The following PPFIA2 variants were observed in gnomAD, a reference collection of about 807,000 sequenced individuals.
PPFIA2 encodes the protein PPFI scaffold protein A2, also known as liprin-alpha-2.
A neutral mutation model predicts 175.5 loss-of-function variants in PPFIA2; 46 were observed. That is an observed-to-expected ratio of 0.26 (90% CI 0.21 to 0.34). The LOEUF is 0.34. Among genes scored for constraint, PPFIA2 ranks in the 10% least tolerant of loss-of-function variants. The pLI, the probability that PPFIA2 is intolerant of heterozygous loss-of-function variation, is 1.00. For synonymous variants in PPFIA2, 568 were observed against 511.4 expected (o/e 1.11, Z -1.49); for missense variants, 1,179 against 1,506.1 (o/e 0.78, Z 3.60).
intron 10 of PPFIA2, 32 bp from the exon 11 acceptor site, chr12:81,374,800 A>G (rs760610560): frequency 6.3e-7 from 1 of 1,592,040 alleles, no homozygotes; most frequent in Non-Finnish European, 8.6e-7. Context: ...AGACACTTAA[A>G]GAGTCAGAGT....
intron 4 of PPFIA2, among the ~76,000 whole-genome samples, chr12:81,560,630 A>G (rs1250366004): frequency 3.3e-5 from 5 of 152,166 alleles, no homozygotes; most frequent in African/African-American, 1.2e-4. Flanking sequence ...TGGTCTAAAT[A>G]TTTTAACTGA....
intron 7 of PPFIA2, among the ~76,000 whole-genome samples, chr12:81,423,306 A>G (rs987908336): frequency 1.3e-5 from 2 of 152,138 alleles, no homozygotes; most frequent in Admixed American, 1.3e-4. Flanking sequence ...AGAGAATAAA[A>G]TTACAGGCCA....
intron 4 of PPFIA2, among the ~76,000 whole-genome samples, chr12:81,656,399 G>A (rs1273047190): frequency 6.6e-6 from 1 of 151,998 alleles, no homozygotes; most frequent in Non-Finnish European, 1.5e-5. Flanking sequence ...TTTAAATTAG[G>A]TGAAATCTAG....
At chr12:81,482,933 C>T (rs1024126681) in intron 4 of PPFIA2, among the ~76,000 whole-genome samples, 3 of 151,930 alleles carry the variant, frequency 2.0e-5, no homozygotes, top group African/African-American at 4.8e-5. Flanking sequence ...TGTTCCAGTG[C>T]TAAAATTCTG....
intron 4 of PPFIA2, among the ~76,000 whole-genome samples, chr12:81,608,143 C>T (rs1013392112): frequency 6.6e-6 from 1 of 152,084 alleles, no homozygotes; most frequent in African/African-American, 2.4e-5. Context: ...AGGAATCAAG[C>T]CCACTTGATT....
At chr12:81,725,748 T>C (rs2079989105) in intron 3 of PPFIA2, among the ~76,000 whole-genome samples, 1 of 150,708 alleles carries the variant, frequency 6.6e-6, no homozygotes, top group Non-Finnish European at 1.5e-5. Context: ...GACAACCCTT[T>C]GAATAATCTA....
chr12:81,274,674 A>T (rs978338684), intron 28 of PPFIA2, among the ~76,000 whole-genome samples: 2 of 152,206 alleles, frequency 1.3e-5, no homozygotes, highest in African/African-American at 4.8e-5. Context: ...AAATGTTAGT[A>T]GGTTCTTGAT....
chr12:81,672,725 T>C (rs987449769), intron 4 of PPFIA2, among the ~76,000 whole-genome samples: 1 of 152,030 alleles, frequency 6.6e-6, no homozygotes, highest in African/African-American at 2.4e-5. Context: ...AGAAACTGAA[T>C]ACCTTCAGTG....
intron 18 of PPFIA2, among the ~76,000 whole-genome samples, chr12:81,344,925 G>A (rs1413665697): frequency 1.1e-5 from 1 of 88,588 alleles, no homozygotes; most frequent in African/African-American, 3.0e-5. Context: ...CCATAATGGG[G>A]CCATGTGTAC....
chr12:81,691,955 A>T (rs182415710), intron 3 of PPFIA2, among the ~76,000 whole-genome samples: 2 of 152,188 alleles, frequency 1.3e-5, no homozygotes, highest in Admixed American at 1.3e-4. Flanking sequence ...CCCTTGTGTA[A>T]TCCCCCTCTC....
chr12:81,387,612 A>G (rs1022317291), intron 8 of PPFIA2, among the ~76,000 whole-genome samples: 27 of 152,186 alleles, frequency 1.8e-4, no homozygotes, highest in African/African-American at 6.3e-4. Flanking sequence ...GAATTTCTCA[A>G]TGTGAGAAGG....
At chr12:81,710,339 ATCTAATAC>A (rs2077730165) in intron 3 of PPFIA2, among the ~76,000 whole-genome samples, 1 of 151,886 alleles carries the variant, frequency 6.6e-6, no homozygotes, top group Non-Finnish European at 1.5e-5. Flanking sequence ...CACAATGTAC[ATCTAATAC>A]TTATCACACA....
At chr12:81,664,958 G>A (rs1023660553) in intron 4 of PPFIA2, among the ~76,000 whole-genome samples, 2 of 151,152 alleles carry the variant, frequency 1.3e-5, no homozygotes, top group Non-Finnish European at 2.9e-5. Flanking sequence ...AACACCACAT[G>A]TTCTCACTCA....
At chr12:81,361,627 A>G (rs1260025031) in intron 15 of PPFIA2, among the ~76,000 whole-genome samples, 1 of 151,652 alleles carries the variant, frequency 6.6e-6, no homozygotes, top group African/African-American at 2.4e-5. Flanking sequence ...TTTTTATTTG[A>G]GAATCTGAAA....
intron 7 of PPFIA2, among the ~76,000 whole-genome samples, chr12:81,423,659 G>A (rs1279977042): frequency 6.6e-6 from 1 of 152,116 alleles, no homozygotes; most frequent in East Asian, 1.9e-4. Context: ...GAGAAAAACT[G>A]AAAGCTTTCC....
intron 22 of PPFIA2, among the ~76,000 whole-genome samples, chr12:81,307,640 ATCTC>A (rs2049614903): frequency 6.7e-6 from 1 of 149,400 alleles, no homozygotes; most frequent in Non-Finnish European, 1.5e-5. Context: ...GAATCTCTCT[ATCTC>A]TCATTTGGTA....
intron 7 of PPFIA2, among the ~76,000 whole-genome samples, chr12:81,439,252 G>C (rs1399932855): frequency 6.7e-6 from 1 of 148,978 alleles, no homozygotes; most frequent in Non-Finnish European, 1.5e-5. Context: ...GTCTATAGGA[G>C]ACTATAATAA....
intron 4 of PPFIA2, among the ~76,000 whole-genome samples, chr12:81,617,478 T>C (rs1340206671): frequency 6.6e-6 from 1 of 152,190 alleles, no homozygotes; most frequent in Non-Finnish European, 1.5e-5. Context: ...AGAATTTGAA[T>C]TGTGTTTCTC....
rs1284898529 is a variant in PPFIA2 at position 81,325,757 on chromosome 12, G to A, written c.2642+20C>T. ...GAATTGATAAAAGTTAGAAAAAGAGGGAAAAATCCCCAAACCTACTTTTTC... is the reference window on the plus strand; with the variant it reads ...GAATTGATAAAAGTTAGAAAAAGAGAGAAAAATCCCCAAACCTACTTTTTC... On this transcript the variant is annotated intron_variant, in intron 22 of 32. Coordinates refer to ENST00000549396, the MANE Select transcript of PPFIA2 (RefSeq NM_003625.5). 10 of 1,561,720 alleles carry A rather than the reference G, an allele frequency of 6.4e-6. No individual in the cohort carries two copies. The highest frequency in any genetic ancestry group is 8.8e-6 in the Non-Finnish European group (10 of 1,134,342).
Sources: gnomAD v4.1 joint callset for allele counts (sites outside exome capture counted in the v4.1 genomes callset) on GRCh38, gnomAD v4.1.1 for gene constraint, MANE v1.5 for transcripts, NCBI Gene and HGNC (gene_info 2026-07-23, HGNC 2026-07-21) for gene names.